The following CDK19 variants were observed in gnomAD, a reference collection of about 807,000 sequenced individuals.
CDK19 encodes the protein cyclin-dependent kinase 19.
In CDK19, 20 loss-of-function variants were observed where a neutral mutation model predicts 68.3. The observed-to-expected ratio is 0.29, with a 90% confidence interval of 0.21 to 0.43. The LOEUF (loss-of-function observed/expected upper bound fraction) is 0.43, where lower values mean the gene tolerates loss of function less well. Among genes scored for constraint, CDK19 ranks in the 20% least tolerant of loss-of-function variants. The pLI is 1.00. For missense variants in CDK19, 339 were observed against 623.5 expected (o/e 0.54, Z 4.86); for synonymous variants, 221 against 222.8 (o/e 0.99, Z 0.07).
Position 110,691,558 on chromosome 6 carries a change from C to T in CDK19, c.205-21017G>A, listed in dbSNP as rs117873308. The stretch of plus-strand genomic sequence containing the variant: ...ACTTTGGGAGGTCAAGGCAGGCTCC[C>T]GGTTCACCTGACCTCAGGAGTTTAA... On this transcript the variant is annotated intron_variant, in intron 2 of 12. Coordinates refer to ENST00000368911, the MANE Select transcript of CDK19 (RefSeq NM_015076.5). Among the ~76,000 whole-genome samples, 383 of 152,100 alleles carry T rather than the reference C, an allele frequency of 2.5e-3. 6 individuals carry two copies. In the East Asian group the frequency reaches 0.045, roughly 18 times the overall value.
chr6:110,656,319 G>A (rs146479746), intron 4 of CDK19, among the ~76,000 whole-genome samples: 20 of 152,262 alleles, frequency 1.3e-4, no homozygotes, highest in Non-Finnish European at 2.9e-4. Context: ...TATTTTGTCT[G>A]TAAACCACTA....
At chr6:110,632,292 C>T in intron 5 of CDK19, 131 bp from the exon 6 acceptor site, 1 of 647,392 alleles carries the variant, frequency 1.5e-6, no homozygotes, top group Non-Finnish European at 2.6e-6. Context: ...AGCTGCTGAC[C>T]TTATAAAGCA....
At position 110,759,557 on chromosome 6, in the gene CDK19, C is replaced by A. The variant is rs987494250; in HGVS notation, c.129-13356G>T. Reference sequence around the variant, plus strand: ...GTTCGAAGTTGCAGTGAGCTATGATCGCACCATTGCACTCTAGCCCAGCAG... The same window carrying A: ...GTTCGAAGTTGCAGTGAGCTATGATAGCACCATTGCACTCTAGCCCAGCAG... On this transcript the variant is annotated intron_variant, in intron 1 of 12. Transcript: ENST00000368911. Among the ~76,000 whole-genome samples, 11 of 149,836 alleles carry A rather than the reference C, an allele frequency of 7.3e-5. No individual in the cohort carries two copies. The South Asian group carries it at 2.3e-3, about 31-fold the overall frequency.
intron 6 of CDK19, among the ~76,000 whole-genome samples, chr6:110,628,573 G>A (rs1225460757): frequency 6.6e-6 from 1 of 152,138 alleles, no homozygotes; most frequent in East Asian, 1.9e-4. Context: ...GGTCGTCTGG[G>A]TTATTAGATC....
chr6:110,793,841 C>T (rs1424374538), intron 1 of CDK19, among the ~76,000 whole-genome samples: 1 of 152,190 alleles, frequency 6.6e-6, no homozygotes, highest in Non-Finnish European at 1.5e-5. Context: ...GTACAAAAAC[C>T]ACTGAACAGA....
At position 110,815,279 on chromosome 6, in the gene CDK19, G is replaced by C; in HGVS notation, c.-143C>G. 1 of 961,082 alleles carries C rather than the reference G, an allele frequency of 1.0e-6. No individual in the cohort carries two copies. Among genetic ancestry groups the C allele is most frequent in the South Asian group, 2.6e-5 (1 of 37,762 alleles). The allele number at this position is 961,082 out of a possible 1,614,324, so 59.5% of individuals were successfully genotyped here. The stretch of plus-strand genomic sequence containing the variant: ...CGCGCCGCCCGCCGCCCGCCGCTCC[G>C]CGGTCCGCCTTCAGCAAGGGACTCC... On this transcript the variant is annotated 5_prime_UTR_variant, in exon 1 of 13. Coordinates refer to ENST00000368911, the MANE Select transcript of CDK19 (RefSeq NM_015076.5).
chr6:110,750,980 C>T (rs550663276), intron 1 of CDK19, among the ~76,000 whole-genome samples: 3 of 152,270 alleles, frequency 2.0e-5, no homozygotes, highest in East Asian at 1.9e-4. Flanking sequence ...GGATTACAGG[C>T]GCATGCCACC....
chr6:110,652,689 G>A (rs1199581303), intron 4 of CDK19, among the ~76,000 whole-genome samples: 1 of 152,190 alleles, frequency 6.6e-6, no homozygotes, highest in African/African-American at 2.4e-5. Flanking sequence ...GCTATCTCTT[G>A]ATAGAAGTTC....
intron 2 of CDK19, among the ~76,000 whole-genome samples, chr6:110,716,793 T>A (rs1252395277): frequency 6.6e-6 from 1 of 152,182 alleles, no homozygotes; most frequent in African/African-American, 2.4e-5. Context: ...TCAATAAATA[T>A]ATATATTGGT....
intron 2 of CDK19, among the ~76,000 whole-genome samples, chr6:110,678,861 C>T (rs921817330): frequency 2.6e-5 from 4 of 152,270 alleles, no homozygotes; most frequent in South Asian, 2.1e-4. Flanking sequence ...ATGTGCTGTC[C>T]GGTAGAGGTT....
chr6:110,788,748 C>CTT (rs371692053), intron 1 of CDK19, among the ~76,000 whole-genome samples: 2 of 151,358 alleles, frequency 1.3e-5, no homozygotes, highest in African/African-American at 4.9e-5. Flanking sequence ...ATTTCTTTTT[C>CTT]TTTTTTTTTA....
intron 2 of CDK19, among the ~76,000 whole-genome samples, chr6:110,689,218 C>T (rs1435671059): frequency 1.3e-5 from 2 of 152,120 alleles, no homozygotes; most frequent in Non-Finnish European, 2.9e-5. Context: ...GCCAGAGAAC[C>T]ACCTCCTGAC....
chr6:110,667,940 A>C (rs777850895), intron 3 of CDK19, among the ~76,000 whole-genome samples: 6 of 152,236 alleles, frequency 3.9e-5, no homozygotes, highest in Non-Finnish European at 7.3e-5. Context: ...CACTTTCTAT[A>C]AAAAGTTAGC....
chr6:110,674,979 G>A (rs1247073533), intron 2 of CDK19, among the ~76,000 whole-genome samples: 1 of 152,052 alleles, frequency 6.6e-6, no homozygotes, highest in Non-Finnish European at 1.5e-5. Flanking sequence ...TGAGAGAGGT[G>A]GGGAAGCTGC....
At chr6:110,695,431 A>T (rs779446270) in intron 2 of CDK19, among the ~76,000 whole-genome samples, 5 of 152,220 alleles carry the variant, frequency 3.3e-5, no homozygotes, top group Non-Finnish European at 7.3e-5. Flanking sequence ...ACCTAAAGTC[A>T]CACCTCAAGG....
chr6:110,784,239 T>C (rs1781040759), intron 1 of CDK19, among the ~76,000 whole-genome samples: 1 of 149,734 alleles, frequency 6.7e-6, no homozygotes, highest in Non-Finnish European at 1.5e-5. Flanking sequence ...TTGCAAATTA[T>C]ACATCACATA....
At chr6:110,622,705 G>GT (rs1274552033) in intron 10 of CDK19, 110 bp downstream of exon 10, 1 of 720,192 alleles carries the variant, frequency 1.4e-6, no homozygotes, top group Non-Finnish European at 2.5e-6. Flanking sequence ...TCTTTAGGTG[G>GT]TATCATTGAA....
chr6:110,815,271 G>A lies in CDK19; in HGVS notation c.-135C>T. On this transcript the variant is annotated 5_prime_UTR_variant, in exon 1 of 13. Coordinates refer to ENST00000368911, the MANE Select transcript of CDK19 (RefSeq NM_015076.5). ...CGCGCGCGCGCGCCGCCCGCCGCCC[G>A]CCGCTCCGCGGTCCGCCTTCAGCAA... is the stretch of plus-strand genomic sequence containing the variant. 2.9e-6 allele frequency: 3 copies of A among 1,033,884 alleles called. No individual in the cohort carries two copies. The highest frequency in any genetic ancestry group is 3.8e-6 in the Non-Finnish European group (3 of 787,516). 64.0% of individuals were successfully genotyped at this position (1,033,884 alleles called of 1,614,324 possible).
Position 110,614,387 on chromosome 6 carries a change from T to C in CDK19, c.*148A>G. Reference sequence around the variant, plus strand: ...GTCAATAAAGAAGAGCTATCAGTCCTGCACAATGCTCAGTATATAAGGTTT... The same window carrying C: ...GTCAATAAAGAAGAGCTATCAGTCCCGCACAATGCTCAGTATATAAGGTTT... On this transcript the variant is annotated 3_prime_UTR_variant, in exon 13 of 13. Transcript: ENST00000368911. 1.6e-6 allele frequency: 1 copy of C among 637,616 alleles called. No individual in the cohort carries two copies. Among genetic ancestry groups the C allele is most frequent in the Non-Finnish European group, 2.6e-6 (1 of 382,532 alleles). 39.5% of individuals were successfully genotyped at this position (637,616 alleles called of 1,614,324 possible).
Sources: allele counts gnomAD v4.1 joint callset (sites outside exome capture counted in the v4.1 genomes callset), GRCh38; gene constraint gnomAD v4.1.1; transcripts MANE v1.5; gene names NCBI Gene and HGNC (gene_info 2026-07-23, HGNC 2026-07-21).